SYNPO2L: variants seen among roughly 807,000 people sequenced by gnomAD.
SYNPO2L encodes synaptopodin 2 like, also known as synaptopodin 2-like protein.
In SYNPO2L, 34 loss-of-function variants were observed where a neutral mutation model predicts 47.5. The ratio of observed to expected loss-of-function variants is 0.72; its 90% CI spans 0.54 to 0.95. SYNPO2L has a LOEUF of 0.95. SYNPO2L is among the 40% of genes least tolerant of loss of function. The pLI, the probability that SYNPO2L is intolerant of heterozygous loss-of-function variation, is 0.00. For missense variants in SYNPO2L, 1,246 were observed against 1,282.0 expected, an observed-to-expected ratio of 0.97 and a Z score of 0.43; for synonymous variants, 536 against 524.9, an observed-to-expected ratio of 1.02 and a Z score of -0.29.
At chr10:73,651,332 C>T (rs1205918904) in intron 3 of SYNPO2L, among the ~76,000 whole-genome samples, 1 of 152,110 alleles carries the variant, frequency 6.6e-6, no homozygotes, top group Non-Finnish European at 1.5e-5. Flanking sequence ...AGCATAGGAT[C>T]CTAGGCACGC....
In SYNPO2L at chr10:73,645,231, C is replaced by T. The variant is rs767162212; in HGVS notation, c.*1487G>A. The T allele has an allele frequency of 6.3e-6, 7 of 1,113,628 alleles. No individual in the cohort carries two copies. In the Middle Eastern group the frequency reaches 1.2e-3, roughly 198 times the overall value. The allele number at this position is 1,113,628 out of a possible 1,614,324, so 69.0% of individuals were successfully genotyped here. On this transcript the variant is annotated 3_prime_UTR_variant, in exon 4 of 4. Transcript: ENST00000394810. ...TTTCAACACTCAGCACACACCCTCACACCTCCCTTCCACCATCATTCCCTT... is the reference window on the plus strand; with the variant it reads ...TTTCAACACTCAGCACACACCCTCATACCTCCCTTCCACCATCATTCCCTT...
chr10:73,647,961 G>C lies in SYNPO2L; in HGVS notation c.1691C>G (p.Ala564Gly). Residue 564 changes from alanine to glycine, a missense_variant, in exon 4 of 4, where the codon GCT (alanine) becomes GGT (glycine). Ala to Gly is a moderately conservative substitution (Grantham distance 60). Coordinates refer to ENST00000394810, the MANE Select transcript of SYNPO2L (RefSeq NM_001114133.3). ...APSRPVTPGG[A>G]PEPPAPPSAA... is the part of the protein sequence containing the mutation. ...GCTAGGAGGAGCGGGGGGCTCTGGA[G>C]CTCCACCTGGGGTGACAGGCCGACT... The C allele has an allele frequency of 6.5e-7, 1 of 1,535,438 alleles. No individual in the cohort carries two copies.
At chr10:73,649,583 C>G in intron 3 of SYNPO2L, 1 of 427,468 alleles carries the variant, frequency 2.3e-6, no homozygotes, top group Non-Finnish European at 3.1e-6. Context: ...ACATATACCC[C>G]AGCTTACATA....
chr10:73,648,589 G>A lies in SYNPO2L; in HGVS notation c.1063C>T (p.Pro355Ser), dbSNP rs777871687. 1 of 1,614,072 alleles carries A rather than the reference G, an allele frequency of 6.2e-7. No individual in the cohort carries two copies. The highest frequency in any genetic ancestry group is 1.3e-5 in the African/African-American group (1 of 74,946). ...SLTNQSDWDSPYLDMELARAG... is the reference protein window; with the variant it reads ...SLTNQSDWDSSYLDMELARAG... ...CTGGCAAGCTCCATGTCCAGATAGG[G>A]ACTGTCCCAGTCAGATTGATTGGTG... is the stretch of plus-strand genomic sequence containing the variant. The change falls in exon 4 of 4, where the codon CCC (proline) becomes TCC (serine). Residue 355 changes from proline (P) to serine (S), a missense_variant. Around this residue, in one of 3 missense-constraint regions of SYNPO2L, gnomAD observed 1,037 missense variants for 1,021.5 expected, o/e 1.02. Coordinates refer to ENST00000394810, the MANE Select transcript of SYNPO2L (RefSeq NM_001114133.3).
At chr10:73,654,838 G>T (rs930654803) in intron 1 of SYNPO2L, among the ~76,000 whole-genome samples, 1 of 141,362 alleles carries the variant, frequency 7.1e-6, no homozygotes, top group Admixed American at 7.1e-5. Context: ...AGACTCTGTC[G>T]CAAAAAAAAA....
At chr10:73,655,793 C>T (rs1304250828) in intron 1 of SYNPO2L, 25 bp downstream of exon 1, 1 of 1,469,272 alleles carries the variant, frequency 6.8e-7, no homozygotes, top group Admixed American at 2.1e-5. Flanking sequence ...TTCCCTGAAG[C>T]CTCATTTCAG....
chr10:73,653,964 T>G, intron 2 of SYNPO2L, 165 bp downstream of exon 2: 1 of 951,230 alleles, frequency 1.1e-6, no homozygotes, highest in Non-Finnish European at 1.5e-6. Flanking sequence ...TGCAGATACA[T>G]TCAAGCCCTC....
At position 73,645,373 on chromosome 10, in the gene SYNPO2L, T is replaced by G; in HGVS notation, c.*1345A>C. 9.7e-7 allele frequency: 1 copy of G among 1,026,104 alleles called. No individual in the cohort carries two copies. The highest frequency in any genetic ancestry group is 1.7e-5 in the African/African-American group (1 of 57,542). The allele number at this position is 1,026,104 out of a possible 1,614,324, so 63.6% of individuals were successfully genotyped here. A position where few individuals can be genotyped will look rare whatever the true frequency, so the allele number is the denominator to read the frequency against. ...ATGGCATTGTCCCTCGCCACACTTC[T>G]GTCTGTGGCTCAATCACTTACACTC... On this transcript the variant is annotated 3_prime_UTR_variant, in exon 4 of 4. Coordinates refer to ENST00000394810, the MANE Select transcript of SYNPO2L (RefSeq NM_001114133.3).
intron 3 of SYNPO2L, 118 bp from the exon 4 acceptor site, chr10:73,648,997 A>G: frequency 7.5e-7 from 1 of 1,336,980 alleles, no homozygotes; most frequent in Non-Finnish European, 9.5e-7. Flanking sequence ...CCGACCCACA[A>G]TGTCCCCTGT....
At chr10:73,650,187 C>T in intron 3 of SYNPO2L, 1 of 985,364 alleles carries the variant, frequency 1.0e-6, no homozygotes, top group East Asian at 1.1e-4. Flanking sequence ...GAGATTCCAT[C>T]TACTTTCCAC....
At chr10:73,652,214 G>A (rs1445460182) in intron 3 of SYNPO2L, among the ~76,000 whole-genome samples, 1 of 151,632 alleles carries the variant, frequency 6.6e-6, no homozygotes, top group Non-Finnish European at 1.5e-5. Context: ...GTGCAGTGGC[G>A]CAAACATGGC....
In SYNPO2L at chr10:73,655,833, CG is replaced by C. The variant is rs2081874810; in HGVS notation, c.89del (p.Pro30ArgfsTer41). The C allele has an allele frequency of 1.6e-5, 25 of 1,549,484 alleles. No homozygotes were observed. Among genetic ancestry groups the C allele is most frequent in the Middle Eastern group, 1.7e-4 (1 of 5,982 alleles). On this transcript the variant is annotated frameshift_variant, in exon 1 of 4. Coordinates refer to ENST00000394810, the MANE Select transcript of SYNPO2L (RefSeq NM_001114133.3). LOFTEE classifies it high-confidence loss of function. Reference sequence around the variant, plus strand: ...TCTCCCTTACCTTAGACACCTGTAACGGTTTCCTCTGCTCGGCCCCCCCATG... The same window carrying C: ...TCTCCCTTACCTTAGACACCTGTAACGTTTCCTCTGCTCGGCCCCCCCATG... ...RLHGGAEQRK[P>X]LQVSKIRRRS...
chr10:73,645,467 T>G lies in SYNPO2L; in HGVS notation c.*1251A>C. ...GGCTCTCTTCTCCTTTCTCTCAAGC[T>G]CATGAGGCAATGAAGCCAATGATTT... On this transcript the variant is annotated 3_prime_UTR_variant, in exon 4 of 4. Transcript: ENST00000394810. 1 of 992,152 alleles carries G rather than the reference T, an allele frequency of 1.0e-6. No homozygotes were observed. The highest frequency in any genetic ancestry group is 1.2e-6 in the Non-Finnish European group (1 of 834,958). 61.5% of individuals were successfully genotyped at this position (992,152 alleles called of 1,614,324 possible). A position where few individuals can be genotyped will look rare whatever the true frequency, so the allele number is the denominator to read the frequency against.
intron 3 of SYNPO2L, among the ~76,000 whole-genome samples, chr10:73,649,517 T>C (rs148273072): frequency 3.9e-5 from 6 of 152,296 alleles, no homozygotes; most frequent in African/African-American, 1.2e-4. Context: ...AGAATATCCA[T>C]CTAGTGAAAG....
intron 1 of SYNPO2L, 81 bp downstream of exon 1, chr10:73,655,737 G>A (rs186279383): frequency 0.069 from 2,030 of 29,334 alleles, 69 homozygotes; most frequent in East Asian, 0.35. Flanking sequence ...CCCAACCCCC[G>A]CCATATGCCA....
chr10:73,646,843 C>T lies in SYNPO2L; in HGVS notation c.2809G>A (p.Glu937Lys). The T allele has an allele frequency of 1.3e-6, 2 of 1,547,694 alleles. No homozygotes were observed. The change falls in exon 4 of 4, where the codon GAG becomes AAG. Residue 937 changes from glutamate to lysine, a missense_variant. Coordinates refer to ENST00000394810, the MANE Select transcript of SYNPO2L (RefSeq NM_001114133.3). ...APVPSPAPPP[E>K]APRGLGASPS... is the part of the protein sequence containing the mutation. ...GAAGCCCCAAGGCCCCTGGGAGCCTCTGGAGGAGGGGCTGGGCTAGGAACA... is the reference window on the plus strand; with the variant it reads ...GAAGCCCCAAGGCCCCTGGGAGCCTTTGGAGGAGGGGCTGGGCTAGGAACA...
chr10:73,647,741 G>C lies in SYNPO2L; in HGVS notation c.1911C>G (p.Phe637Leu). 1 of 1,614,066 alleles carries C rather than the reference G, an allele frequency of 6.2e-7. No homozygotes were observed. Among genetic ancestry groups the C allele is most frequent in the South Asian group, 1.1e-5 (1 of 91,076 alleles). ...ARRRGTRKQM[F>L]RPGKEETKNS... The stretch of plus-strand genomic sequence containing the variant: ...TCTTCGTCTCCTCCTTTCCCGGCCG[G>C]AACATCTGCTTCCGGGTCCCCCGGC... Residue 637 changes from phenylalanine (F) to leucine (L), a missense_variant, in exon 4 of 4, where the codon TTC (phenylalanine) becomes TTG (leucine). By Grantham distance (22) the Phe-to-Leu change is conservative. Around this residue, in one of 3 missense-constraint regions of SYNPO2L, gnomAD observed 1,037 missense variants for 1,021.5 expected, o/e 1.02. Transcript: ENST00000394810.
rs773811905 is a variant in SYNPO2L at position 73,646,901 on chromosome 10, C to G, written c.2751G>C (p.Glu917Asp). 6.3e-7 allele frequency: 1 copy of G among 1,575,102 alleles called. No homozygotes were observed. The highest frequency in any genetic ancestry group is 1.4e-5 in the African/African-American group (1 of 74,006). Residue 917 changes from glutamate to aspartate, a missense_variant, in exon 4 of 4, where the codon GAG (glutamate) becomes GAC (aspartate). Glu to Asp is a conservative substitution (Grantham distance 45, BLOSUM62 2). This residue lies in a region of SYNPO2L where 1,037 missense variants were observed against 1,021.5 expected (regional missense o/e 1.02). Transcript: ENST00000394810. ...AGGCCAGTTCTGTTCTCCAGATGGG[C>G]TCATCCAGTGTAGTGGCTGCTCGGG... is the stretch of plus-strand genomic sequence containing the variant. ...LAPRAATTLDEPIWRTELASA... is the reference protein window; with the variant it reads ...LAPRAATTLDDPIWRTELASA...
rs1366212835 is a variant in SYNPO2L, at chr10:73,647,638, G to T, written c.2014C>A (p.Pro672Thr). The stretch of plus-strand genomic sequence containing the variant: ...CCGAGGCTCAGAGCATCTTCTTCAG[G>T]ACCAGATTCTGCACCCCCGGCCCGA... ...KPRAGGAESG[P>T]EEDALSLGAE... The change falls in exon 4 of 4, where the codon CCT becomes ACT. Residue 672 changes from proline (P) to threonine (T), a missense_variant. Pro to Thr is a conservative substitution (Grantham distance 38). Coordinates refer to ENST00000394810, the MANE Select transcript of SYNPO2L (RefSeq NM_001114133.3). 6.2e-7 allele frequency: 1 copy of T among 1,614,028 alleles called. No individual in the cohort carries two copies. The highest frequency in any genetic ancestry group is 1.3e-5 in the African/African-American group (1 of 74,924).
Sources: gnomAD v4.1 joint callset for allele counts (sites outside exome capture counted in the v4.1 genomes callset) on GRCh38, gnomAD v4.1.1 for gene constraint, gnomAD v4.1.1 regional missense constraint, MANE v1.5 for transcripts, NCBI Gene and HGNC (gene_info 2026-07-23, HGNC 2026-07-21) for gene names.